NDUFS4: variants seen among roughly 807,000 people sequenced by gnomAD.
NDUFS4 encodes NADH dehydrogenase [ubiquinone] iron-sulfur protein 4, mitochondrial.
Under a neutral mutation model 24.3 loss-of-function variants are expected in NDUFS4, and 28 were observed. The observed-to-expected ratio is 1.15, with a 90% CI of 0.85 to 1.58. The LOEUF is 1.58. Among genes scored for constraint, NDUFS4 ranks in the 40% most tolerant of loss-of-function variants. The probability of loss-of-function intolerance (pLI) is 0.00; values close to 1 mark genes in which losing one functional copy is unlikely to be tolerated. For synonymous variants in NDUFS4, 93 were observed against 69.7 expected, an observed-to-expected ratio of 1.34 and a Z score of -1.67; for missense variants, 223 against 207.9, an observed-to-expected ratio of 1.07 and a Z score of -0.45.
intron 1 of NDUFS4, among the ~76,000 whole-genome samples, chr5:53,592,532 A>G (rs375139566): frequency 1.3e-5 from 2 of 152,250 alleles, no homozygotes; most frequent in South Asian, 2.1e-4. Context: ...TTTGCTTCCT[A>G]CATTTAGGTT....
intron 4 of NDUFS4, among the ~76,000 whole-genome samples, chr5:53,666,387 TTCTA>T (rs1752515244): frequency 6.6e-6 from 1 of 152,190 alleles, no homozygotes; most frequent in Non-Finnish European, 1.5e-5. Context: ...TCAAGTGCCT[TTCTA>T]TCTGACTTCT....
intron 4 of NDUFS4, among the ~76,000 whole-genome samples, chr5:53,666,073 A>G (rs1370291691): frequency 2.0e-5 from 3 of 152,158 alleles, no homozygotes; most frequent in Admixed American, 6.5e-5. Context: ...TAATTACATA[A>G]TTGTTTTCAA....
At chr5:53,608,551 T>C (rs1750598785) in intron 2 of NDUFS4, among the ~76,000 whole-genome samples, 1 of 152,218 alleles carries the variant, frequency 6.6e-6, no homozygotes, top group Non-Finnish European at 1.5e-5. Flanking sequence ...TGTTGTCATT[T>C]CAGCAACGTT....
intron 1 of NDUFS4, among the ~76,000 whole-genome samples, chr5:53,568,133 T>C (rs1237173144): frequency 6.6e-6 from 1 of 152,210 alleles, no homozygotes; most frequent in African/African-American, 2.4e-5. Context: ...AATATGACTT[T>C]AGGTTCTTTA....
chr5:53,639,883 A>T (rs1043629518), intron 2 of NDUFS4, among the ~76,000 whole-genome samples: 1 of 152,172 alleles, frequency 6.6e-6, no homozygotes, highest in African/African-American at 2.4e-5. Context: ...GGAAATTTAC[A>T]TCTCAAAGGC....
chr5:53,626,203 A>G (rs1751218537), intron 2 of NDUFS4, among the ~76,000 whole-genome samples: 1 of 152,214 alleles, frequency 6.6e-6, no homozygotes, highest in Non-Finnish European at 1.5e-5. Flanking sequence ...ATGTCCCTGC[A>G]AAGGACATGA....
intron 1 of NDUFS4, among the ~76,000 whole-genome samples, chr5:53,575,527 A>AT (rs1749354860): frequency 9.3e-6 from 1 of 107,570 alleles, no homozygotes; most frequent in Admixed American, 1.1e-4. Context: ...ATATGATCAG[A>AT]TTCTTTTTTT....
chr5:53,587,162 T>C (rs934433500), intron 1 of NDUFS4, among the ~76,000 whole-genome samples: 2 of 152,048 alleles, frequency 1.3e-5, no homozygotes, highest in African/African-American at 4.8e-5. Context: ...AGAGTCTCCT[T>C]CTCTATCCCA....
chr5:53,682,776 G>GCAA (rs1452208834), intron 4 of NDUFS4, among the ~76,000 whole-genome samples: 5 of 151,982 alleles, frequency 3.3e-5, no homozygotes, highest in African/African-American at 7.2e-5. Context: ...GCTCTTCATT[G>GCAA]CAACTATTTT....
At chr5:53,625,803 T>A (rs1751202724) in intron 2 of NDUFS4, among the ~76,000 whole-genome samples, 1 of 152,240 alleles carries the variant, frequency 6.6e-6, no homozygotes, top group Non-Finnish European at 1.5e-5. Context: ...AGTCATTATT[T>A]ATAAACCTAC....
At chr5:53,619,486 C>CAA (rs70983366) in intron 2 of NDUFS4, among the ~76,000 whole-genome samples, 14,602 of 46,752 alleles carry the variant, frequency 0.31, 2,425 homozygotes, top group East Asian at 0.49. Context: ...GACTCTGTCT[C>CAA]AAAAAAAAAA....
Position 53,560,756 on chromosome 5 carries a change from A to C in NDUFS4, c.94A>C (p.Thr32Pro). ...TGCCCTTTCCGTTTCCAGGGTTCCG[A>C]CCAGGTAATAGAATTTTCACACTTT... ...VAALSVSRVP[T>P]RSLRTSTWRL... The change falls in exon 1 of 5, where the codon ACC becomes CCC. Residue 32 changes from threonine to proline, a missense_variant. Transcript: ENST00000296684. The C allele has an allele frequency of 6.2e-7, 1 of 1,614,146 alleles. No individual in the cohort carries two copies.
intron 3 of NDUFS4, among the ~76,000 whole-genome samples, chr5:53,655,534 G>T (rs1334377522): frequency 6.6e-6 from 1 of 151,858 alleles, no homozygotes; most frequent in Non-Finnish European, 1.5e-5. Context: ...CTAAAATGAA[G>T]AATCTCGTAT....
intron 4 of NDUFS4, among the ~76,000 whole-genome samples, chr5:53,679,648 G>GAC (rs1391561471): frequency 6.6e-6 from 1 of 152,192 alleles, no homozygotes; most frequent in East Asian, 1.9e-4. Context: ...CCTGGCGGCT[G>GAC]AAAGGGTAAT....
At chr5:53,674,459 T>C (rs1474576489) in intron 4 of NDUFS4, among the ~76,000 whole-genome samples, 1 of 152,172 alleles carries the variant, frequency 6.6e-6, no homozygotes, top group Non-Finnish European at 1.5e-5. Flanking sequence ...GTGCCATTAT[T>C]TTAGGGTAGC....
At chr5:53,615,114 T>C (rs1750803873) in intron 2 of NDUFS4, among the ~76,000 whole-genome samples, 1 of 151,918 alleles carries the variant, frequency 6.6e-6, no homozygotes, top group African/African-American at 2.4e-5. Context: ...TATTTGAATT[T>C]GGTTTTGGGT....
At chr5:53,573,068 C>G (rs528166457) in intron 1 of NDUFS4, among the ~76,000 whole-genome samples, 3 of 146,908 alleles carry the variant, frequency 2.0e-5, no homozygotes, top group Non-Finnish European at 3.0e-5. Flanking sequence ...TTCCCGGACT[C>G]TAGCGATTCT....
intron 4 of NDUFS4, among the ~76,000 whole-genome samples, chr5:53,674,353 C>T (rs1740386580): frequency 6.6e-6 from 1 of 152,116 alleles, no homozygotes; most frequent in Non-Finnish European, 1.5e-5. Context: ...ACTTCTTCCA[C>T]GGGAAGGCCA....
intron 2 of NDUFS4, among the ~76,000 whole-genome samples, chr5:53,635,445 AG>A (rs1751523507): frequency 6.6e-6 from 1 of 152,062 alleles, no homozygotes. Flanking sequence ...ACCTGAGCCC[AG>A]AAACTCAAGG....
Sources: gnomAD v4.1 joint callset for allele counts (sites outside exome capture counted in the v4.1 genomes callset) on GRCh38, gnomAD v4.1.1 for gene constraint, MANE v1.5 for transcripts, NCBI Gene and HGNC (gene_info 2026-07-23, HGNC 2026-07-21) for gene names.